Variants in SLC35D4 observed in about 807,000 individuals in gnomAD.
SLC35D4 encodes UDP-N-acetylglucosamine transporter SLC35D4.
At chr18:23,413,612 A>G in the SLC35D4 span, among the ~76,000 whole-genome samples, 2 of 152,266 alleles carry the variant, frequency 1.3e-5, no homozygotes, top group Non-Finnish European at 2.9e-5. Flanking sequence ...AGCACAGAAC[A>G]GAGGCAATGT....
the SLC35D4 span, among the ~76,000 whole-genome samples, chr18:23,381,685 C>T: frequency 4.6e-5 from 7 of 152,150 alleles, no homozygotes; most frequent in Admixed American, 3.9e-4. Context: ...GATGCAAACA[C>T]TTATGGTGTT....
the SLC35D4 span, among the ~76,000 whole-genome samples, chr18:23,319,134 G>A: frequency 4.6e-5 from 7 of 152,128 alleles, no homozygotes; most frequent in Middle Eastern, 3.4e-3. Context: ...GTGAGGCACC[G>A]CACCCAACCT....
At chr18:23,335,532 T>C in the SLC35D4 span, among the ~76,000 whole-genome samples, 4 of 152,168 alleles carry the variant, frequency 2.6e-5, no homozygotes, top group East Asian at 7.7e-4. Flanking sequence ...ACAGAGGGTC[T>C]TTAAAAAGAA....
chr18:23,418,345 C>T, the SLC35D4 span, among the ~76,000 whole-genome samples: 8 of 130,914 alleles, frequency 6.1e-5, no homozygotes, highest in African/African-American at 2.3e-4. Context: ...TCAGGAGAAG[C>T]CAAAATTATT....
chr18:23,389,306 T>C, the SLC35D4 span, among the ~76,000 whole-genome samples: 1 of 152,166 alleles, frequency 6.6e-6, no homozygotes. Flanking sequence ...TAGTTCTTTA[T>C]AGCAGTGTGA....
At chr18:23,277,034 C>A in the SLC35D4 span, among the ~76,000 whole-genome samples, 1 of 152,204 alleles carries the variant, frequency 6.6e-6, no homozygotes, top group Non-Finnish European at 1.5e-5. Context: ...ATAGCCATTT[C>A]TTTTTTCTCA....
At chr18:23,419,969 T>C in the SLC35D4 span, among the ~76,000 whole-genome samples, 2 of 152,122 alleles carry the variant, frequency 1.3e-5, no homozygotes, top group South Asian at 2.1e-4. Flanking sequence ...CATATATACA[T>C]GTACAGTACA....
the SLC35D4 span, among the ~76,000 whole-genome samples, chr18:23,404,600 G>T: frequency 6.6e-6 from 1 of 150,660 alleles, no homozygotes; most frequent in Non-Finnish European, 1.5e-5. Context: ...TTGAACCCGG[G>T]AGGCTTGCGG....
the SLC35D4 span, among the ~76,000 whole-genome samples, chr18:23,245,704 T>C: frequency 2.6e-5 from 4 of 152,224 alleles, no homozygotes; most frequent in African/African-American, 9.7e-5. Flanking sequence ...TCTCTGGACA[T>C]CTGTGTTGTG....
chr18:23,411,546 AAAGAAAG>A, the SLC35D4 span, among the ~76,000 whole-genome samples: 1 of 148,886 alleles, frequency 6.7e-6, no homozygotes, highest in South Asian at 2.2e-4. Context: ...AGAAAGAAAG[AAAGAAAG>A]GTGTGTGCTG....
the SLC35D4 span, among the ~76,000 whole-genome samples, chr18:23,379,952 C>G: frequency 3.3e-5 from 5 of 152,028 alleles, no homozygotes; most frequent in African/African-American, 1.2e-4. Flanking sequence ...CAAAAATTAG[C>G]CAGGTGTGGT....
chr18:23,367,338 A>G, the SLC35D4 span, among the ~76,000 whole-genome samples: 1 of 152,136 alleles, frequency 6.6e-6, no homozygotes, highest in African/African-American at 2.4e-5. Context: ...TTAGATAGCA[A>G]GTTTTATTCC....
the SLC35D4 span, among the ~76,000 whole-genome samples, chr18:23,348,600 AG>A: frequency 1.3e-5 from 2 of 152,146 alleles, no homozygotes; most frequent in African/African-American, 2.4e-5. Context: ...TTTTTTCTCT[AG>A]TAATATTTCC....
chr18:23,324,087 GAA>G, the SLC35D4 span, among the ~76,000 whole-genome samples: 4 of 111,418 alleles, frequency 3.6e-5, no homozygotes, highest in Non-Finnish European at 2.0e-5. Context: ...TGTCTCAAAA[GAA>G]AAAAAAAAAA....
At chr18:23,408,918 T>C in the SLC35D4 span, among the ~76,000 whole-genome samples, 18 of 151,966 alleles carry the variant, frequency 1.2e-4, no homozygotes, top group South Asian at 3.7e-3. Context: ...GTGGATCACC[T>C]GAGGTCAGGA....
chr18:23,318,199 G>C, the SLC35D4 span, among the ~76,000 whole-genome samples: 1 of 152,172 alleles, frequency 6.6e-6, no homozygotes, highest in Admixed American at 6.5e-5. Context: ...ATGACACTAA[G>C]CATCTTTTTC....
At chr18:23,276,903 AAGG>A in the SLC35D4 span, among the ~76,000 whole-genome samples, 3 of 152,234 alleles carry the variant, frequency 2.0e-5, no homozygotes, top group Non-Finnish European at 4.4e-5. Flanking sequence ...AGCTCAGGGC[AAGG>A]AGATCTTCAA....
the SLC35D4 span, among the ~76,000 whole-genome samples, chr18:23,427,046 A>G: frequency 1.3e-5 from 2 of 152,244 alleles, no homozygotes; most frequent in African/African-American, 4.8e-5. Context: ...TAAATGTTAG[A>G]CCTAAAACCA....
the SLC35D4 span, chr18:23,297,938 G>A: frequency 6.4e-7 from 1 of 1,565,128 alleles, no homozygotes; most frequent in Non-Finnish European, 8.8e-7. Context: ...ATGAGACCAG[G>A]GGCTCGTACA....
Sources: gnomAD v4.1 joint callset for allele counts (sites outside exome capture counted in the v4.1 genomes callset) on GRCh38, gnomAD v4.1.1 for gene constraint, MANE v1.5 for transcripts, NCBI Gene and HGNC (gene_info 2026-07-23, HGNC 2026-07-21) for gene names.